Variants in KDM3B observed in about 807,000 individuals in gnomAD.
KDM3B encodes lysine-specific demethylase 3B.
In KDM3B, 10 loss-of-function variants were observed where a neutral mutation model predicts 170.0. That is an observed-to-expected ratio of 0.06 (90% CI 0.04 to 0.10). KDM3B has a LOEUF of 0.10. Among genes scored for constraint, KDM3B ranks in the 10% least tolerant of loss-of-function variants. The probability of loss-of-function intolerance (pLI) is 1.00; values close to 1 mark genes in which losing one functional copy is unlikely to be tolerated. For synonymous variants in KDM3B, 831 were observed against 834.8 expected (o/e 1.00, Z 0.08); for missense variants, 1,394 against 2,195.2 (o/e 0.64, Z 7.29).
In KDM3B at chr5:138,380,870, AT is replaced by A. The variant is rs775619229; in HGVS notation, c.706-631del. On this transcript the variant is annotated intron_variant, in intron 5 of 23. Transcript: ENST00000314358. ...GATCCACCATGCCCAGCCTGGAGTG[AT>A]TTTTTTTTTTTTTTCTTTTTGAGAC... 9.2e-3 allele frequency among the ~76,000 whole-genome samples: 1,249 copies of A among 135,856 alleles called. 9 individuals carry two copies. Among genetic ancestry groups the A allele is most frequent in the African/African-American group, 0.023 (857 of 36,966 alleles). 89.1% of individuals were successfully genotyped at this position (135,856 alleles called of 152,430 possible). A position where few individuals can be genotyped will look rare whatever the true frequency, so the allele number is the denominator to read the frequency against.
Position 138,420,940 on chromosome 5 carries a change from C to G in KDM3B, c.3950C>G (p.Pro1317Arg), listed in dbSNP as rs561484805. ...TTGGACACAGGCATACCCTTTCCCCCGGTCTTCTCTACATCCTCAGCAGTA... is the reference window on the plus strand; with the variant it reads ...TTGGACACAGGCATACCCTTTCCCCGGGTCTTCTCTACATCCTCAGCAGTA... ...TPLDTGIPFP[P>R]VFSTSSAGVK... Residue 1317 changes from proline to arginine, a missense_variant, in exon 15 of 24, where the codon CCG (proline) becomes CGG (arginine). Pro to Arg is a moderately radical substitution (Grantham distance 103, BLOSUM62 -2). Coordinates refer to ENST00000314358, the MANE Select transcript of KDM3B (RefSeq NM_016604.4). 1 of 1,613,996 alleles carries G rather than the reference C, an allele frequency of 6.2e-7. No individual in the cohort carries two copies. Among genetic ancestry groups the G allele is most frequent in the East Asian group, 2.2e-5 (1 of 44,886 alleles).
chr5:138,398,100 T>G, intron 9 of KDM3B, 78 bp from the exon 10 acceptor site: 1 of 1,097,844 alleles, frequency 9.1e-7, no homozygotes, highest in Non-Finnish European at 1.3e-6. Flanking sequence ...ATTTTACTTC[T>G]GTTTAGGTCC....
In KDM3B at chr5:138,385,926, G is replaced by T. The variant is rs1444926893; in HGVS notation, c.781-96G>T. ...CATTGGAACTTGGCAGTCTATGCCTGCTTTGTCTGCTTCTAGAGATGGGAA... is the reference window on the plus strand; with the variant it reads ...CATTGGAACTTGGCAGTCTATGCCTTCTTTGTCTGCTTCTAGAGATGGGAA... On this transcript the variant is annotated intron_variant, in intron 6 of 23. Coordinates refer to ENST00000314358, the MANE Select transcript of KDM3B (RefSeq NM_016604.4). 3 of 1,431,114 alleles carry T rather than the reference G, an allele frequency of 2.1e-6. No individual in the cohort carries two copies. The East Asian group carries it at 6.9e-5, about 33-fold the overall frequency. 88.7% of individuals were successfully genotyped at this position (1,431,114 alleles called of 1,614,324 possible).
Position 138,430,380 on chromosome 5 carries a change from G to C in KDM3B, c.5025G>C (p.Gln1675His). Residue 1675 changes from glutamine to histidine, a missense_variant, in exon 22 of 24, where the codon CAG becomes CAC. Gln to His is a conservative substitution (Grantham distance 24). This residue lies in a region of KDM3B where 79 missense variants were observed against 270.5 expected (regional missense o/e 0.29). Coordinates refer to ENST00000314358, the MANE Select transcript of KDM3B (RefSeq NM_016604.4). ...GCGTGCAAGGCTGGGCTATTGTGCA[G>C]TTCCTAGGTGATGCTGTTTTCATAC... is the stretch of plus-strand genomic sequence containing the variant. ...EYGVQGWAIV[Q>H]FLGDAVFIPA... The C allele has an allele frequency of 6.2e-7, 1 of 1,614,122 alleles. No individual in the cohort carries two copies. Among genetic ancestry groups the C allele is most frequent in the Non-Finnish European group, 8.5e-7 (1 of 1,180,002 alleles).
At chr5:138,418,524 A>G (rs1189042175) in intron 13 of KDM3B, among the ~76,000 whole-genome samples, 1 of 152,236 alleles carries the variant, frequency 6.6e-6, no homozygotes, top group African/African-American at 2.4e-5. Flanking sequence ...AGTTGACTAT[A>G]TAGAGTATGT....
chr5:138,382,791 AT>A (rs769211840), intron 6 of KDM3B, among the ~76,000 whole-genome samples: 1 of 152,118 alleles, frequency 6.6e-6, no homozygotes, highest in Non-Finnish European at 1.5e-5. Flanking sequence ...CCAGGGTTAA[AT>A]TTAAGAACTG....
At chr5:138,385,304 G>A (rs943588548) in intron 6 of KDM3B, among the ~76,000 whole-genome samples, 1 of 152,086 alleles carries the variant, frequency 6.6e-6, no homozygotes, top group Non-Finnish European at 1.5e-5. Context: ...TTACAGGCAT[G>A]AGCCAACACG....
intron 10 of KDM3B, among the ~76,000 whole-genome samples, chr5:138,398,954 T>C (rs1203026686): frequency 7.0e-6 from 1 of 141,946 alleles, no homozygotes; most frequent in East Asian, 2.3e-4. Flanking sequence ...AGTGGCACAA[T>C]CTCGGCTCAC....
intron 1 of KDM3B, among the ~76,000 whole-genome samples, chr5:138,364,726 A>T (rs1007784532): frequency 1.1e-4 from 17 of 152,122 alleles, no homozygotes; most frequent in African/African-American, 4.1e-4. Flanking sequence ...TGAGGTCTTT[A>T]TTGTCCCTAT....
chr5:138,428,940 CTT>C (rs397884825), intron 20 of KDM3B, among the ~76,000 whole-genome samples: 77 of 101,220 alleles, frequency 7.6e-4, no homozygotes, highest in African/African-American at 8.7e-4. Context: ...GGGATAATTT[CTT>C]TTTTTTTTTT....
intron 1 of KDM3B, among the ~76,000 whole-genome samples, chr5:138,361,183 G>A (rs1761599661): frequency 6.6e-6 from 1 of 152,136 alleles, no homozygotes; most frequent in Non-Finnish European, 1.5e-5. Flanking sequence ...CCTTTGACAG[G>A]TTGGTGGTTT....
At chr5:138,366,966 C>G (rs560735382) in intron 1 of KDM3B, among the ~76,000 whole-genome samples, 15 of 152,348 alleles carry the variant, frequency 9.8e-5, no homozygotes, top group African/African-American at 3.1e-4. Context: ...CCTACTACTA[C>G]TCCCAGAACA....
chr5:138,419,041 C>T lies in KDM3B; in HGVS notation c.3524C>T (p.Pro1175Leu), dbSNP rs373481523. The T allele has an allele frequency of 2.7e-5, 43 of 1,614,044 alleles. No homozygotes were observed. The highest frequency in any genetic ancestry group is 1.6e-4 in the Middle Eastern group (1 of 6,084). The part of the protein sequence containing the change: ...GGPAPVTTPE[P>L]DHVPKADSTD... ...CCGGCACCAGTAACAACTCCAGAGC[C>T]GGACCATGTTCCCAAAGCCGACAGC... The change falls in exon 14 of 24, where the codon CCG (proline) becomes CTG (leucine). Residue 1175 changes from proline to leucine, a missense_variant. By Grantham distance (98) the Pro-to-Leu change is moderately conservative. This residue lies in a region of KDM3B where 87 missense variants were observed against 83.3 expected (regional missense o/e 1.04). Transcript: ENST00000314358.
chr5:138,406,172 C>T (rs1008037634), intron 11 of KDM3B, among the ~76,000 whole-genome samples: 40 of 152,204 alleles, frequency 2.6e-4, no homozygotes, highest in African/African-American at 6.3e-4. Context: ...TAGCAAGACT[C>T]CCATCTCTAC....
intron 1 of KDM3B, among the ~76,000 whole-genome samples, chr5:138,367,039 T>A (rs1023566353): frequency 9.2e-5 from 14 of 152,194 alleles, no homozygotes; most frequent in African/African-American, 3.4e-4. Context: ...TTCTGTTTTC[T>A]GCCAGAAGGA....
chr5:138,391,368 C>G lies in KDM3B; in HGVS notation c.1736C>G (p.Thr579Ser), dbSNP rs1047548676. 1.9e-6 allele frequency: 3 copies of G among 1,614,104 alleles called. No individual in the cohort carries two copies. Among genetic ancestry groups the G allele is most frequent in the Non-Finnish European group, 2.5e-6 (3 of 1,180,002 alleles). Residue 579 changes from threonine (T) to serine (S), a missense_variant, in exon 8 of 24, where the codon ACT (threonine) becomes AGT (serine). Around this residue, in one of 19 missense-constraint regions of KDM3B, gnomAD observed 294 missense variants for 311.7 expected, o/e 0.94. Transcript: ENST00000314358. The surrounding 1 kb of genome is among the most constrained non-coding windows in gnomAD (Gnocchi z 5.0). Reference sequence around the variant, plus strand: ...GGCAGATCCGTTCTTGGAACAGACACTAAGCCAGGCTCTAAGGCTGGCAGC... The same window carrying G: ...GGCAGATCCGTTCTTGGAACAGACAGTAAGCCAGGCTCTAAGGCTGGCAGC... ...CKGRSVLGTD[T>S]KPGSKAGSSV...
chr5:138,377,904 G>T, intron 4 of KDM3B, 79 bp downstream of exon 4: 3 of 1,007,916 alleles, frequency 3.0e-6, no homozygotes, highest in Non-Finnish European at 4.6e-6. Context: ...GGAATCCCAT[G>T]CAACCTTAAA....
intron 6 of KDM3B, 152 bp from the exon 7 acceptor site, chr5:138,385,870 G>A: frequency 1.2e-6 from 1 of 861,420 alleles, no homozygotes; most frequent in South Asian, 1.8e-5. Context: ...AAAGATTAGA[G>A]CTTTTAACAA....
intron 19 of KDM3B, among the ~76,000 whole-genome samples, chr5:138,427,620 G>A (rs1289220519): frequency 6.6e-6 from 1 of 152,118 alleles, no homozygotes; most frequent in East Asian, 1.9e-4. Context: ...TAATGAAGAG[G>A]TCTGGGTGCC....
Sources: gnomAD v4.1 joint callset for allele counts (sites outside exome capture counted in the v4.1 genomes callset) on GRCh38, gnomAD v4.1.1 for gene constraint, gnomAD v4.1.1 regional missense constraint, Gnocchi (gnomAD v3.1) non-coding constraint, MANE v1.5 for transcripts, NCBI Gene and HGNC (gene_info 2026-07-23, HGNC 2026-07-21) for gene names.